LPIN2: variants seen among roughly 807,000 people sequenced by gnomAD.
LPIN2 encodes lipin 2, also known as phosphatidate phosphatase LPIN2.
A neutral mutation model predicts 111.4 loss-of-function variants in LPIN2; 55 were observed. The ratio of observed to expected loss-of-function variants is 0.49; its 90% CI spans 0.40 to 0.62. The LOEUF is 0.62. Among genes scored for constraint, LPIN2 ranks in the 20% least tolerant of loss-of-function variants. The pLI is 0.00. For missense variants in LPIN2, 992 were observed against 1,112.1 expected, an observed-to-expected ratio of 0.89 and a Z score of 1.54; for synonymous variants, 425 against 414.0, an observed-to-expected ratio of 1.03 and a Z score of -0.32.
chr18:2,956,104 T>C (rs1484423846), intron 2 of LPIN2, among the ~76,000 whole-genome samples: 3 of 152,194 alleles, frequency 2.0e-5, no homozygotes, highest in African/African-American at 7.2e-5. Flanking sequence ...AGTTAATACA[T>C]TCACAGAGAT....
intron 1 of LPIN2, among the ~76,000 whole-genome samples, chr18:2,965,151 A>C (rs1048566118): frequency 2.6e-5 from 4 of 152,188 alleles, no homozygotes; most frequent in Admixed American, 1.3e-4. Flanking sequence ...GTGAAGAAAA[A>C]AAAAAGCAGT....
At chr18:2,920,459 AG>A in intron 19 of LPIN2, 22 bp from the exon 20 acceptor site, 1 of 1,613,312 alleles carries the variant, frequency 6.2e-7, no homozygotes, top group Non-Finnish European at 8.5e-7. Context: ...GTTGGGGAAG[AG>A]GCACAGGCTA....
intron 1 of LPIN2, among the ~76,000 whole-genome samples, chr18:2,968,033 G>A (rs562637125): frequency 3.9e-5 from 6 of 152,078 alleles, no homozygotes; most frequent in East Asian, 1.9e-4. Flanking sequence ...AACACTCACC[G>A]CTCCTAGACC....
rs1377740858 is a variant in LPIN2, at chr18:2,992,958, CCAGT to C, written c.-10+20125_-10+20128del. 2.2e-4 allele frequency among the ~76,000 whole-genome samples: 32 copies of C among 143,116 alleles called. No homozygotes were observed. The East Asian group carries it at 5.1e-3, about 23-fold the overall frequency. 93.9% of individuals were successfully genotyped at this position (143,116 alleles called of 152,430 possible). Reference sequence around the variant, plus strand: ...CTGAGATAGCACCACTGCACTCCAGCCAGTGAGACCCGTCTCAAAAAAAAAAAAA... The same window carrying C: ...CTGAGATAGCACCACTGCACTCCAGCGAGACCCGTCTCAAAAAAAAAAAAA... On this transcript the variant is annotated intron_variant, in intron 1 of 19. Coordinates refer to ENST00000677752, the MANE Select transcript of LPIN2 (RefSeq NM_001375808.2).
intron 1 of LPIN2, among the ~76,000 whole-genome samples, chr18:3,000,777 T>TC (rs2078423006): frequency 6.6e-6 from 1 of 152,182 alleles, no homozygotes. Context: ...GGGTAAGGAT[T>TC]CACTGTGAAG....
At chr18:3,006,575 A>C (rs57124001) in intron 1 of LPIN2, among the ~76,000 whole-genome samples, 14,638 of 152,152 alleles carry the variant, frequency 0.096, 2,292 homozygotes, top group African/African-American at 0.33. Flanking sequence ...CAGCGGCTCA[A>C]GCCTGTAATC....
At chr18:2,944,716 T>C (rs2077422786) in intron 4 of LPIN2, among the ~76,000 whole-genome samples, 1 of 152,186 alleles carries the variant, frequency 6.6e-6, no homozygotes, top group Non-Finnish European at 1.5e-5. Context: ...ATATATAATT[T>C]CTTTTTATAT....
chr18:2,990,827 C>A (rs1428639616), intron 1 of LPIN2: 3 of 408,596 alleles, frequency 7.3e-6, no homozygotes, highest in Admixed American at 3.0e-5. Context: ...ATACTTCCTA[C>A]TTCAATCTCT....
At chr18:2,997,842 G>A (rs2078368813) in intron 1 of LPIN2, among the ~76,000 whole-genome samples, 1 of 152,204 alleles carries the variant, frequency 6.6e-6, no homozygotes. Flanking sequence ...TCTCAAGGAT[G>A]CAGTCCCCCA....
At chr18:2,961,007 T>C (rs1011344571) in intron 1 of LPIN2, among the ~76,000 whole-genome samples, 158 bp from the exon 2 acceptor site, 6 of 152,210 alleles carry the variant, frequency 3.9e-5, no homozygotes, top group Non-Finnish European at 8.8e-5. Flanking sequence ...ATGCTACCAT[T>C]GTTTCTACGC....
intron 1 of LPIN2, among the ~76,000 whole-genome samples, chr18:3,009,205 C>A (rs2078563739): frequency 6.6e-6 from 1 of 151,866 alleles, no homozygotes; most frequent in Non-Finnish European, 1.5e-5. Context: ...CAACACTATT[C>A]TGGCTAACAC....
chr18:2,922,845 A>T (rs2077075280), intron 16 of LPIN2, among the ~76,000 whole-genome samples: 1 of 152,230 alleles, frequency 6.6e-6, no homozygotes, highest in African/African-American at 2.4e-5. Context: ...AAGAAAAAAT[A>T]TAGGGGATAT....
At chr18:2,921,007 T>G (rs1281939150) in intron 18 of LPIN2, 126 bp from the exon 19 acceptor site, 2 of 732,620 alleles carry the variant, frequency 2.7e-6, no homozygotes, top group Admixed American at 2.0e-5. Context: ...GGCGGCACAG[T>G]GCAGTTGCCA....
chr18:3,009,110 A>C (rs1227715243), intron 1 of LPIN2, among the ~76,000 whole-genome samples: 1 of 151,980 alleles, frequency 6.6e-6, no homozygotes, highest in African/African-American at 2.4e-5. Context: ...TTTCAAAAGA[A>C]TTGTTTCGGC....
intron 15 of LPIN2, 141 bp downstream of exon 15, chr18:2,924,257 G>T: frequency 1.0e-6 from 1 of 967,134 alleles, no homozygotes; most frequent in Non-Finnish European, 1.6e-6. Context: ...ACTGTACTGG[G>T]GACGCCTCAG....
At chr18:2,960,374 T>C (rs988194875) in intron 2 of LPIN2, among the ~76,000 whole-genome samples, 2 of 152,118 alleles carry the variant, frequency 1.3e-5, no homozygotes, top group African/African-American at 4.8e-5. Flanking sequence ...AGTTGCAACA[T>C]GTAAGATTAT....
chr18:2,988,012 CA>C (rs761121515), intron 1 of LPIN2, among the ~76,000 whole-genome samples: 824 of 32,308 alleles, frequency 0.026, 3 homozygotes, highest in African/African-American at 0.055. Context: ...GAGACTGTCT[CA>C]AAAAAAAAAA....
rs1488967955 is a variant in LPIN2 at position 2,939,532 on chromosome 18, C to G, written c.770G>C (p.Arg257Thr). ...CGTCCACTCCATGTGAGACTCTGAT[C>G]TGAGCAGGCTCTCCGCAGGTTTCAC... Reference protein sequence around the residue: ...LEVKPAESLLRSESHMEWTWG... With the variant: ...LEVKPAESLLTSESHMEWTWG... Residue 257 changes from arginine to threonine, a missense_variant, in exon 6 of 20, where the codon AGA (arginine) becomes ACA (threonine). Arg to Thr is a moderately conservative substitution (Grantham distance 71). Around this residue, in one of 4 missense-constraint regions of LPIN2, gnomAD observed 709 missense variants for 753.2 expected, o/e 0.94. Coordinates refer to ENST00000677752, the MANE Select transcript of LPIN2 (RefSeq NM_001375808.2). 1 of 1,614,108 alleles carries G rather than the reference C, an allele frequency of 6.2e-7. No individual in the cohort carries two copies.
At chr18:3,009,873 TATC>T (rs757263797) in intron 1 of LPIN2, among the ~76,000 whole-genome samples, 2 of 152,246 alleles carry the variant, frequency 1.3e-5, no homozygotes, top group Non-Finnish European at 2.9e-5. Flanking sequence ...ATGTTTACTT[TATC>T]ATCATTTTAA....
Sources: gnomAD v4.1 joint callset for allele counts (sites outside exome capture counted in the v4.1 genomes callset) on GRCh38, gnomAD v4.1.1 for gene constraint, gnomAD v4.1.1 regional missense constraint, MANE v1.5 for transcripts, NCBI Gene and HGNC (gene_info 2026-07-23, HGNC 2026-07-21) for gene names.